LAMA2: variants seen among roughly 807,000 people sequenced by gnomAD.
The protein encoded by LAMA2 is laminin subunit alpha-2.
In LAMA2, 269 loss-of-function variants were observed where a neutral mutation model predicts 364.8. That is an observed-to-expected ratio of 0.74 (90% CI 0.67 to 0.82). The LOEUF is 0.82. LAMA2 is among the 40% of genes least tolerant of loss of function. The pLI, the probability that LAMA2 is intolerant of heterozygous loss-of-function variation, is 0.00. For synonymous variants in LAMA2, 1,379 were observed against 1,370.6 expected (o/e 1.01, Z -0.14); for missense variants, 3,807 against 3,873.2 (o/e 0.98, Z 0.45).
At chr6:129,342,026 A>G (rs1424241080) in intron 29 of LAMA2, among the ~76,000 whole-genome samples, 3 of 152,200 alleles carry the variant, frequency 2.0e-5, no homozygotes, top group African/African-American at 7.2e-5. Flanking sequence ...AATTTTAGAG[A>G]CTCGAAGTCT....
chr6:129,246,919 C>G (rs1399978532), intron 12 of LAMA2, among the ~76,000 whole-genome samples: 3 of 152,038 alleles, frequency 2.0e-5, no homozygotes, highest in African/African-American at 7.2e-5. Flanking sequence ...TAATAGCATC[C>G]TTCAGAAAAG....
chr6:129,497,494 C>CAA (rs1785281209), intron 58 of LAMA2, among the ~76,000 whole-genome samples: 1 of 152,130 alleles, frequency 6.6e-6, no homozygotes, highest in Non-Finnish European at 1.5e-5. Flanking sequence ...CTCAGCCTGC[C>CAA]AAAGTGTTGA....
rs567494950 is a variant in LAMA2 at position 129,412,954 on chromosome 6, T to C, written c.5865+8995T>C. ...TTTGATGAGCACTAACTATCTCTGC[T>C]TCAGGTTGTCTTCATAATAAATGCA... On this transcript the variant is annotated intron_variant, in intron 40 of 64. Coordinates refer to ENST00000421865, the MANE Select transcript of LAMA2 (RefSeq NM_000426.4). 9.1e-4 allele frequency among the ~76,000 whole-genome samples: 139 copies of C among 152,222 alleles called. 1 individual carries two copies. Among genetic ancestry groups the C allele is most frequent in the Admixed American group, 5.6e-3 (85 of 15,278 alleles).
intron 35 of LAMA2, among the ~76,000 whole-genome samples, chr6:129,384,696 T>C (rs775660359): frequency 5.3e-5 from 8 of 152,026 alleles, no homozygotes; most frequent in Non-Finnish European, 1.2e-4. Flanking sequence ...GAGATGGAGA[T>C]TTATCCCAGG....
At chr6:129,073,464 T>C (rs9492221) in intron 3 of LAMA2, among the ~76,000 whole-genome samples, 6,709 of 152,274 alleles carry the variant, frequency 0.044, 495 homozygotes, top group African/African-American at 0.15. Context: ...ATGTTGTTAC[T>C]GTCCATTCTT....
chr6:129,505,272 A>G lies in LAMA2; in HGVS notation c.8620A>G (p.Lys2874Glu). The G allele has an allele frequency of 6.2e-7, 1 of 1,613,404 alleles. No homozygotes were observed. Among genetic ancestry groups the G allele is most frequent in the Non-Finnish European group, 8.5e-7 (1 of 1,179,338 alleles). The change falls in exon 61 of 65, where the codon AAA (lysine) becomes GAA (glutamate). Residue 2874 changes from lysine to glutamate, a missense_variant. By Grantham distance (56) the Lys-to-Glu change is moderately conservative (BLOSUM62 1). This residue lies in a region of LAMA2 where 3,333 missense variants were observed against 3,345.7 expected (regional missense o/e 1.00). Coordinates refer to ENST00000421865, the MANE Select transcript of LAMA2 (RefSeq NM_000426.4). ...GGCTTCCAACAGAACCATCAGTCCC[A>G]AAAAAGCCGACATCCTGGATGTCGT... ...DGASNRTISP[K>E]KADILDVVGM...
chr6:129,100,692 T>G (rs1183439106), intron 4 of LAMA2, among the ~76,000 whole-genome samples: 1 of 152,198 alleles, frequency 6.6e-6, no homozygotes, highest in Non-Finnish European at 1.5e-5. Flanking sequence ...GATACAATAT[T>G]GCTGGATCTA....
chr6:129,113,105 T>C (rs577155544), intron 4 of LAMA2, among the ~76,000 whole-genome samples: 62 of 152,150 alleles, frequency 4.1e-4, no homozygotes, highest in African/African-American at 1.5e-3. Context: ...ATAGAAACAT[T>C]TGGAGTTTTA....
Position 128,904,933 on chromosome 6 carries a change from CTT to C in LAMA2, c.112+21579_112+21580del, listed in dbSNP as rs376503715. ...TGTGGGAGATAACAGAATAACGTCTCTTTTCCAAGATGCATATGGTTTTCTTT... is the reference window on the plus strand; with the variant it reads ...TGTGGGAGATAACAGAATAACGTCTCTTCCAAGATGCATATGGTTTTCTTT... On this transcript the variant is annotated intron_variant, in intron 1 of 64. Coordinates refer to ENST00000421865, the MANE Select transcript of LAMA2 (RefSeq NM_000426.4). 3.0e-3 allele frequency among the ~76,000 whole-genome samples: 451 copies of C among 152,282 alleles called. 1 individual carries two copies. The highest frequency in any genetic ancestry group is 0.01 in the African/African-American group (425 of 41,562).
rs1786674391 is a variant in LAMA2 at position 129,512,494 on chromosome 6, G to A, written c.8988+1G>A. 2 of 1,613,348 alleles carry A rather than the reference G, an allele frequency of 1.2e-6. No individual in the cohort carries two copies. Among genetic ancestry groups the A allele is most frequent in the African/African-American group, 1.3e-5 (1 of 74,886 alleles). On this transcript the variant is annotated splice_donor_variant, in intron 63 of 64. Coordinates refer to ENST00000421865, the MANE Select transcript of LAMA2 (RefSeq NM_000426.4). LOFTEE classifies it high-confidence loss of function. Reference sequence around the variant, plus strand: ...GGGTATTGAAATGATTGATGAAAAGGTGAGTGTCAGCAATGCAAACATTTC... The same window carrying A: ...GGGTATTGAAATGATTGATGAAAAGATGAGTGTCAGCAATGCAAACATTTC...
chr6:128,899,956 T>C (rs940652204), intron 1 of LAMA2, among the ~76,000 whole-genome samples: 2 of 152,174 alleles, frequency 1.3e-5, no homozygotes, highest in South Asian at 2.1e-4. Context: ...GGATAAAATA[T>C]AGATAACTCA....
intron 58 of LAMA2, 25 bp downstream of exon 58, chr6:129,492,508 G>A (rs1479697539): frequency 1.2e-6 from 2 of 1,600,074 alleles, no homozygotes; most frequent in Non-Finnish European, 8.6e-7. Flanking sequence ...TATCCCCATT[G>A]CTTTCTAATT....
chr6:128,943,665 T>G (rs762322141), intron 1 of LAMA2, among the ~76,000 whole-genome samples: 3 of 152,108 alleles, frequency 2.0e-5, no homozygotes, highest in Non-Finnish European at 4.4e-5. Flanking sequence ...TGCTAACTTA[T>G]CAGAGAAAAC....
At chr6:129,231,855 G>C (rs1399187984) in intron 12 of LAMA2, among the ~76,000 whole-genome samples, 1 of 151,994 alleles carries the variant, frequency 6.6e-6, no homozygotes, top group African/African-American at 2.4e-5. Flanking sequence ...TTAACTGCTT[G>C]AAGAAAATGT....
chr6:129,251,652 G>T (rs1383592479), intron 13 of LAMA2, among the ~76,000 whole-genome samples: 3 of 152,126 alleles, frequency 2.0e-5, no homozygotes, highest in Admixed American at 2.0e-4. Context: ...GTCTACTAAG[G>T]CCGGGTGTGG....
intron 1 of LAMA2, among the ~76,000 whole-genome samples, chr6:128,892,718 T>C (rs1211063024): frequency 1.3e-5 from 2 of 151,952 alleles, no homozygotes; most frequent in Non-Finnish European, 2.9e-5. Flanking sequence ...GGACTCTCCC[T>C]AATTACTATA....
intron 12 of LAMA2, among the ~76,000 whole-genome samples, 198 bp downstream of exon 12, chr6:129,193,051 C>T (rs955923218): frequency 3.9e-5 from 6 of 152,150 alleles, no homozygotes; most frequent in Non-Finnish European, 7.3e-5. Context: ...CCTTAATATG[C>T]AACTTTGTAT....
intron 12 of LAMA2, among the ~76,000 whole-genome samples, chr6:129,212,433 C>T (rs1052230819): frequency 2.0e-5 from 3 of 151,924 alleles, no homozygotes; most frequent in Non-Finnish European, 4.4e-5. Context: ...CCTCTTAAAC[C>T]GGATGTTTTT....
At chr6:129,361,662 T>C (rs544415317) in intron 32 of LAMA2, among the ~76,000 whole-genome samples, 6 of 152,158 alleles carry the variant, frequency 3.9e-5, no homozygotes, top group Non-Finnish European at 8.8e-5. Flanking sequence ...CAAATTTCAA[T>C]ATGTTGCTCT....
Sources: gnomAD v4.1 joint callset for allele counts (sites outside exome capture counted in the v4.1 genomes callset) on GRCh38, gnomAD v4.1.1 for gene constraint, gnomAD v4.1.1 regional missense constraint, MANE v1.5 for transcripts, NCBI Gene and HGNC (gene_info 2026-07-23, HGNC 2026-07-21) for gene names.